Variants in DLGAP2 observed in about 807,000 individuals in gnomAD.
The protein encoded by DLGAP2 is DLG associated protein 2.
A neutral mutation model predicts 100.3 loss-of-function variants in DLGAP2; 26 were observed. The observed-to-expected ratio is 0.26, with a 90% CI of 0.19 to 0.36. DLGAP2 has a LOEUF of 0.36. DLGAP2 is among the 10% of genes least tolerant of loss of function. The probability of loss-of-function intolerance (pLI) is 1.00; values close to 1 mark genes in which losing one functional copy is unlikely to be tolerated. For missense variants in DLGAP2, 1,858 were observed against 1,453.2 expected, an observed-to-expected ratio of 1.28 and a Z score of -4.53; for synonymous variants, 886 against 630.1, an observed-to-expected ratio of 1.41 and a Z score of -6.08.
At chr8:1,371,043 CATTA>C (rs1400420248) in intron 3 of DLGAP2, among the ~76,000 whole-genome samples, 2 of 152,354 alleles carry the variant, frequency 1.3e-5, no homozygotes, top group South Asian at 2.1e-4. Flanking sequence ...AATATGATTG[CATTA>C]ATTGTCATTG....
intron 2 of DLGAP2, chr8:1,104,801 C>G (rs987240586): frequency 1.4e-4 from 21 of 152,240 alleles, no homozygotes; most frequent in African/African-American, 4.8e-4. Flanking sequence ...CCACTCGCAC[C>G]TGCTGTTGGG....
intron 2 of DLGAP2, among the ~76,000 whole-genome samples, chr8:1,070,588 AAGAC>A (rs1563175772): frequency 6.6e-6 from 1 of 152,144 alleles, no homozygotes; most frequent in Non-Finnish European, 1.5e-5. Flanking sequence ...TCCAAACAGA[AAGAC>A]AGTTTGAAAG....
chr8:1,226,816 T>C (rs1174514897), intron 2 of DLGAP2, among the ~76,000 whole-genome samples: 4 of 152,012 alleles, frequency 2.6e-5, no homozygotes, highest in African/African-American at 7.3e-5. Context: ...ATCACTGAGA[T>C]ACCACCTCAT....
At chr8:1,358,764 G>A (rs746670763) in intron 3 of DLGAP2, among the ~76,000 whole-genome samples, 6 of 152,246 alleles carry the variant, frequency 3.9e-5, no homozygotes, top group East Asian at 1.9e-4. Context: ...ATTCTTCTGC[G>A]GTGGGCTAAG....
chr8:1,120,351 A>C (rs1796009247), intron 2 of DLGAP2, among the ~76,000 whole-genome samples: 1 of 152,172 alleles, frequency 6.6e-6, no homozygotes, highest in African/African-American at 2.4e-5. Context: ...AACAATACGA[A>C]GGGGCACCCC....
At chr8:945,489 C>CA (rs1799295691) in intron 2 of DLGAP2, among the ~76,000 whole-genome samples, 1 of 152,120 alleles carries the variant, frequency 6.6e-6, no homozygotes, top group Non-Finnish European at 1.5e-5. Flanking sequence ...ATACTAAACT[C>CA]ACGAAGAATG....
At chr8:796,764 T>C (rs1005540324) in intron 1 of DLGAP2, among the ~76,000 whole-genome samples, 2 of 152,196 alleles carry the variant, frequency 1.3e-5, no homozygotes, top group Non-Finnish European at 2.9e-5. Context: ...ATGCCCGCAC[T>C]ATAACATGCC....
intron 3 of DLGAP2, among the ~76,000 whole-genome samples, chr8:1,311,115 A>C (rs1353989059): frequency 2.0e-5 from 3 of 152,194 alleles, no homozygotes; most frequent in Non-Finnish European, 4.4e-5. Flanking sequence ...TACAGACCAC[A>C]CAAATAAAAA....
intron 2 of DLGAP2, among the ~76,000 whole-genome samples, chr8:1,091,308 G>C (rs1373165177): frequency 6.6e-6 from 1 of 152,220 alleles, no homozygotes; most frequent in African/African-American, 2.4e-5. Flanking sequence ...CACCTTGTCT[G>C]TAAAAACTGT....
chr8:1,275,222 C>A (rs1256117367), intron 3 of DLGAP2, among the ~76,000 whole-genome samples: 1 of 152,100 alleles, frequency 6.6e-6, no homozygotes, highest in Non-Finnish European at 1.5e-5. Context: ...AAAAATCATT[C>A]CTTTACGGTC....
At chr8:1,419,104 C>G (rs565272513) in intron 3 of DLGAP2, among the ~76,000 whole-genome samples, 7 of 152,382 alleles carry the variant, frequency 4.6e-5, no homozygotes, top group Admixed American at 1.3e-4. Context: ...CACTCCAAAA[C>G]CCTTGGTAGG....
chr8:1,641,279 A>G (rs1197202047), intron 8 of DLGAP2, among the ~76,000 whole-genome samples: 1 of 152,178 alleles, frequency 6.6e-6, no homozygotes, highest in African/African-American at 2.4e-5. Context: ...GTAAGCCAGA[A>G]TTGCTCGGGT....
intron 3 of DLGAP2, among the ~76,000 whole-genome samples, chr8:1,433,607 C>A (rs1406423859): frequency 1.6e-4 from 24 of 146,562 alleles, no homozygotes; most frequent in Non-Finnish European, 9.3e-5. Flanking sequence ...CACTGGGCAG[C>A]CAACGCAGCT....
At chr8:1,010,968 C>T (rs1474883108) in intron 2 of DLGAP2, among the ~76,000 whole-genome samples, 2 of 143,972 alleles carry the variant, frequency 1.4e-5, no homozygotes, top group African/African-American at 2.9e-5. Flanking sequence ...CGAGGGGCCT[C>T]AGTCTGCATG....
intron 3 of DLGAP2, among the ~76,000 whole-genome samples, chr8:1,478,970 C>A (rs1799013649): frequency 6.6e-6 from 1 of 152,246 alleles, no homozygotes; most frequent in African/African-American, 2.4e-5. Context: ...ATGCAACTTA[C>A]AGAAAATAAC....
intron 6 of DLGAP2, among the ~76,000 whole-genome samples, chr8:1,585,265 C>A (rs902760361): frequency 1.3e-5 from 2 of 152,128 alleles, no homozygotes; most frequent in Non-Finnish European, 2.9e-5. Flanking sequence ...GAGTTTGAGA[C>A]CAGCCTGGCC....
chr8:1,440,165 G>C (rs1052760257), intron 3 of DLGAP2, among the ~76,000 whole-genome samples: 5 of 152,156 alleles, frequency 3.3e-5, no homozygotes, highest in Admixed American at 2.6e-4. Flanking sequence ...GTTAAAGTAA[G>C]GGGAGAAAAG....
intron 3 of DLGAP2, among the ~76,000 whole-genome samples, chr8:1,493,468 C>T (rs935759468): frequency 6.6e-6 from 1 of 152,206 alleles, no homozygotes; most frequent in African/African-American, 2.4e-5. Context: ...CAGTGCATCC[C>T]TGGATGAGAA....
chr8:827,398 C>T (rs185530762), intron 1 of DLGAP2, among the ~76,000 whole-genome samples: 10 of 152,266 alleles, frequency 6.6e-5, no homozygotes, highest in Admixed American at 3.3e-4. Flanking sequence ...TTTTAAAATA[C>T]ACATTTGGAC....
Sources: allele counts gnomAD v4.1 joint callset (sites outside exome capture counted in the v4.1 genomes callset), GRCh38; gene constraint gnomAD v4.1.1; transcripts MANE v1.5; gene names NCBI Gene and HGNC (gene_info 2026-07-23, HGNC 2026-07-21).